LRGUK: variants seen among roughly 807,000 people sequenced by gnomAD.
LRGUK encodes leucine rich repeats and guanylate kinase domain containing, also known as leucine-rich repeat and guanylate kinase domain-containing protein.
A neutral mutation model predicts 76.0 loss-of-function variants in LRGUK; 65 were observed. The ratio of observed to expected loss-of-function variants is 0.85; its 90% confidence interval spans 0.70 to 1.05. The LOEUF is 1.05. Among genes scored for constraint, LRGUK ranks in the 50% least tolerant of loss-of-function variants. The pLI is 0.00. For synonymous variants in LRGUK, 268 were observed against 265.6 expected (o/e 1.01, Z -0.09); for missense variants, 758 against 732.8 (o/e 1.03, Z -0.40).
chr7:134,203,442 G>T (rs887199391), intron 15 of LRGUK, among the ~76,000 whole-genome samples: 3 of 152,268 alleles, frequency 2.0e-5, no homozygotes, highest in African/African-American at 4.8e-5. Context: ...GGCAGGGCAG[G>T]TCATGATTTT....
intron 12 of LRGUK, among the ~76,000 whole-genome samples, chr7:134,194,312 A>G (rs1800391832): frequency 6.6e-6 from 1 of 152,182 alleles, no homozygotes; most frequent in South Asian, 2.1e-4. Context: ...CCACAGTAGA[A>G]GGTCCTTGTA....
chr7:134,227,067 G>T (rs1236941640), intron 16 of LRGUK, among the ~76,000 whole-genome samples: 2 of 146,336 alleles, frequency 1.4e-5, no homozygotes, highest in Non-Finnish European at 3.0e-5. Context: ...TACTTGAAGG[G>T]ATCAGAGAAT....
chr7:134,225,459 G>A (rs1801719598), intron 16 of LRGUK, among the ~76,000 whole-genome samples: 1 of 152,272 alleles, frequency 6.6e-6, no homozygotes, highest in Admixed American at 6.5e-5. Context: ...CAGCACTGTG[G>A]CATTTACTGA....
chr7:134,266,919 A>G (rs1563205452), downstream of LRGUK, among the ~76,000 whole-genome samples: 1 of 152,222 alleles, frequency 6.6e-6, no homozygotes, highest in Non-Finnish European at 1.5e-5. Context: ...TATCTTAATT[A>G]TAGAGGAAAA....
chr7:134,200,435 A>G (rs1483917722), intron 14 of LRGUK, among the ~76,000 whole-genome samples: 1 of 152,164 alleles, frequency 6.6e-6, no homozygotes, highest in Non-Finnish European at 1.5e-5. Context: ...CAAGACATAC[A>G]GTTACTGAAA....
chr7:134,210,345 G>A (rs1019875099), downstream of LRGUK: 9 of 398,308 alleles, frequency 2.3e-5, no homozygotes, highest in South Asian at 1.3e-4. Flanking sequence ...GCCGCCCCAC[G>A]CCGAGCCATC....
At chr7:134,148,466 G>T in intron 5 of LRGUK, 147 bp downstream of exon 5, 4 of 589,520 alleles carry the variant, frequency 6.8e-6, no homozygotes, top group Non-Finnish European at 1.2e-5. Context: ...CTAGGAATTG[G>T]TATTCACAAA....
At chr7:134,161,657 A>G (rs1181327769) in intron 6 of LRGUK, among the ~76,000 whole-genome samples, 1 of 151,722 alleles carries the variant, frequency 6.6e-6, no homozygotes, top group Non-Finnish European at 1.5e-5. Context: ...TGTACCAGGG[A>G]AAATATAGAG....
At chr7:134,149,418 C>A (rs1798112403) in intron 5 of LRGUK, among the ~76,000 whole-genome samples, 1 of 152,132 alleles carries the variant, frequency 6.6e-6, no homozygotes, top group African/African-American at 2.4e-5. Flanking sequence ...AGGGATGTGA[C>A]AGCAGCTAGT....
chr7:134,183,051 C>CGGCTG (rs1799824072), intron 10 of LRGUK, among the ~76,000 whole-genome samples: 2 of 152,226 alleles, frequency 1.3e-5, no homozygotes, highest in South Asian at 4.1e-4. Context: ...CCATCGCGCC[C>CGGCTG]GGCTGCGGGA....
intron 12 of LRGUK, among the ~76,000 whole-genome samples, chr7:134,192,289 G>A (rs1267704741): frequency 6.6e-6 from 1 of 152,136 alleles, no homozygotes; most frequent in African/African-American, 2.4e-5. Flanking sequence ...GTTCCTGTTT[G>A]AGAAGTTCTC....
At chr7:134,221,633 TTTTTA>T (rs1402846878) in intron 15 of LRGUK, 141 bp from the exon 16 acceptor site, 3 of 510,554 alleles carry the variant, frequency 5.9e-6, no homozygotes, top group Non-Finnish European at 9.4e-6. Context: ...CTAAGATATA[TTTTTA>T]TTTTATTTTA....
At chr7:134,205,018 A>T (rs1308741165) in intron 15 of LRGUK, among the ~76,000 whole-genome samples, 2 of 152,244 alleles carry the variant, frequency 1.3e-5, no homozygotes, top group African/African-American at 4.8e-5. Context: ...AGTAAGTGGT[A>T]GCAAGGTTTA....
chr7:134,194,518 G>A (rs1563174587), intron 12 of LRGUK, among the ~76,000 whole-genome samples: 1 of 152,090 alleles, frequency 6.6e-6, no homozygotes, highest in Non-Finnish European at 1.5e-5. Context: ...GAGGTGGGAG[G>A]ATTGCTTGAA....
intron 18 of LRGUK, among the ~76,000 whole-genome samples, chr7:134,252,339 TAATTAAATTAAATTAAATTA>T (rs146773478): frequency 0.018 from 2,677 of 145,766 alleles, 91 homozygotes; most frequent in African/African-American, 0.065. Flanking sequence ...CTCAAATAGA[TAATTAAATTAAATTAAATTA>T]AATTAAATTA....
chr7:134,174,705 G>A, intron 8 of LRGUK, 69 bp downstream of exon 8: 1 of 850,570 alleles, frequency 1.2e-6, no homozygotes, highest in Non-Finnish European at 2.0e-6. Context: ...AACTATCTAG[G>A]AATTCTTCAA....
downstream of LRGUK, among the ~76,000 whole-genome samples, chr7:134,211,417 C>T (rs1443565711): frequency 6.6e-6 from 1 of 152,204 alleles, no homozygotes; most frequent in Non-Finnish European, 1.5e-5. Flanking sequence ...CTTGCATTAT[C>T]GAGGAGTTCC....
At chr7:134,240,300 C>T (rs942974453) in intron 16 of LRGUK, among the ~76,000 whole-genome samples, 3 of 152,146 alleles carry the variant, frequency 2.0e-5, no homozygotes, top group African/African-American at 4.8e-5. Context: ...AGCTAAAAAC[C>T]TTGATGAAAG....
chr7:134,219,383 G>A (rs1801517471), intron 15 of LRGUK, among the ~76,000 whole-genome samples: 1 of 152,162 alleles, frequency 6.6e-6, no homozygotes. Context: ...CAGCTGCATT[G>A]TGTCATCAGA....
Sources: allele counts gnomAD v4.1 joint callset (sites outside exome capture counted in the v4.1 genomes callset), GRCh38; gene constraint gnomAD v4.1.1; transcripts MANE v1.5; gene names NCBI Gene and HGNC (gene_info 2026-07-23, HGNC 2026-07-21).